The following NOL11 variants were observed in gnomAD, a reference collection of about 807,000 sequenced individuals.
NOL11 encodes the protein nucleolar protein 11.
Under a neutral mutation model 93.0 loss-of-function variants are expected in NOL11, and 42 were observed. The observed-to-expected ratio is 0.45, with a 90% CI of 0.35 to 0.58. The LOEUF is 0.58. Ranked by LOEUF, NOL11 falls within the 20% of genes least tolerant of loss-of-function variation. The probability of loss-of-function intolerance (pLI) is 0.00; values close to 1 mark genes in which losing one functional copy is unlikely to be tolerated. For missense variants in NOL11, 775 were observed against 841.8 expected, an observed-to-expected ratio of 0.92 and a Z score of 0.98; for synonymous variants, 296 against 293.7, an observed-to-expected ratio of 1.01 and a Z score of -0.08.
intron 4 of NOL11, among the ~76,000 whole-genome samples, chr17:67,722,012 C>T (rs1221872007): frequency 2.6e-5 from 4 of 152,332 alleles, no homozygotes; most frequent in South Asian, 2.1e-4. Context: ...TACTTGTTTT[C>T]TCCAGGTCCA....
Position 67,736,698 on chromosome 17 carries a change from G to T in NOL11, c.1087G>T (p.Glu363Ter). 6.2e-7 allele frequency: 1 copy of T among 1,612,870 alleles called. No individual in the cohort carries two copies. Among genetic ancestry groups the T allele is most frequent in the Non-Finnish European group, 8.5e-7 (1 of 1,179,372 alleles). ...TGTCGTGTCCCATTTTGTAAACTGG[G>T]AGACACCTCAAGGATGTGGACTTGG... ...THVVSHFVNW[E>*]TPQGCGLGFQ... Residue 363 changes from glutamate to a stop codon, truncating the protein, a stop_gained, in exon 10 of 18, where the codon GAG (glutamate) becomes TAG (stop). Transcript: ENST00000253247. LOFTEE classifies it high-confidence loss of function.
chr17:67,739,561 A>G lies in NOL11; in HGVS notation c.1888A>G (p.Asn630Asp). ...LYFLYLKCSE[N>D]ATMTLPGIHP... Reference sequence around the variant, plus strand: ...TTTCCTGTACCTGAAGTGTAGCGAAAATGCTACTATGACTCTTCCTGGAAT... The same window carrying G: ...TTTCCTGTACCTGAAGTGTAGCGAAGATGCTACTATGACTCTTCCTGGAAT... The change falls in exon 16 of 18, where the codon AAT becomes GAT. Residue 630 changes from asparagine (N) to aspartate (D), a missense_variant. Physicochemically the swap from Asn to Asp is conservative, Grantham distance 23. Transcript: ENST00000253247. 2 of 1,601,602 alleles carry G rather than the reference A, an allele frequency of 1.2e-6. No homozygotes were observed. The highest frequency in any genetic ancestry group is 1.1e-5 in the South Asian group (1 of 88,162).
At chr17:67,725,511 T>A (rs2055083416) in intron 6 of NOL11, among the ~76,000 whole-genome samples, 1 of 152,198 alleles carries the variant, frequency 6.6e-6, no homozygotes, top group South Asian at 2.1e-4. Flanking sequence ...AGGAAACATT[T>A]CCATATTATC....
rs1287279671 is a variant in NOL11 at position 67,722,636 on chromosome 17, A to G, written c.518A>G (p.Lys173Arg). ...CCTGTTTTAATTTTTATTACTGAAA[A>G]AGTAAGTGATATCTTCAATTCCTGG... is the stretch of plus-strand genomic sequence containing the variant. ...RHPVLIFITE[K>R]HGNYFAYVQM... The change falls in exon 5 of 18, where the codon AAA becomes AGA. Residue 173 changes from lysine (K) to arginine (R), a missense_variant and splice_region_variant. Lys to Arg is a conservative substitution (Grantham distance 26). Transcript: ENST00000253247. 7.0e-6 allele frequency: 11 copies of G among 1,569,534 alleles called. No homozygotes were observed. The highest frequency in any genetic ancestry group is 9.4e-6 in the Non-Finnish European group (11 of 1,167,090).
At chr17:67,742,245 T>C (rs2055263256) in intron 16 of NOL11, among the ~76,000 whole-genome samples, 1 of 152,232 alleles carries the variant, frequency 6.6e-6, no homozygotes, top group African/African-American at 2.4e-5. Context: ...TTTTTGCCAA[T>C]CAGATGGGTA....
At chr17:67,743,696 C>T in intron 17 of NOL11, 47 bp from the exon 18 acceptor site, 1 of 1,235,000 alleles carries the variant, frequency 8.1e-7, no homozygotes, top group South Asian at 1.5e-5. Context: ...AGATTTGTTT[C>T]TATGTAGACA....
At chr17:67,739,664 T>G (rs2055237110) in intron 16 of NOL11, 56 bp downstream of exon 16, 3 of 1,136,696 alleles carry the variant, frequency 2.6e-6, no homozygotes, top group Non-Finnish European at 3.9e-6. Flanking sequence ...GAAAAAAAGT[T>G]GTATTCAAGG....
At chr17:67,730,847 C>G (rs558951645) in intron 7 of NOL11, among the ~76,000 whole-genome samples, 1 of 152,288 alleles carries the variant, frequency 6.6e-6, no homozygotes, top group Admixed American at 6.5e-5. Flanking sequence ...GAAGAACTGC[C>G]GAACTCCACA....
At chr17:67,734,313 C>G (rs769205962) in intron 7 of NOL11, 50 bp from the exon 8 acceptor site, 2 of 1,026,990 alleles carry the variant, frequency 1.9e-6, no homozygotes, top group Non-Finnish European at 3.0e-6. Context: ...CCCAAAATAT[C>G]ATATATTTAT....
intron 7 of NOL11, 22 bp from the exon 8 acceptor site, chr17:67,734,341 G>T (rs2055181792): frequency 7.0e-7 from 1 of 1,435,980 alleles, no homozygotes; most frequent in Non-Finnish European, 9.8e-7. Context: ...ACTTTTTTCT[G>T]AATTTATGTC....
In NOL11 at chr17:67,724,141, A is replaced by G. The variant is rs773638848; in HGVS notation, c.612A>G (p.Ile204Met). The change falls in exon 6 of 18, where the codon ATA (isoleucine) becomes ATG (methionine). Residue 204 changes from isoleucine to methionine, a missense_variant. Physicochemically the swap from Ile to Met is conservative, Grantham distance 10. This residue lies in a region of NOL11 where 359 missense variants were observed against 316.5 expected (regional missense o/e 1.13). Coordinates refer to ENST00000253247, the MANE Select transcript of NOL11 (RefSeq NM_015462.5). ...LLLGQDENSV[I>M]KSFTASVDRK... ...TTGGACAAGACGAAAACTCTGTTAT[A>G]AAGAGTTTTACTGCATCTGTAGATC... is the stretch of plus-strand genomic sequence containing the variant. 6.3e-7 allele frequency: 1 copy of G among 1,594,446 alleles called. No homozygotes were observed. The highest frequency in any genetic ancestry group is 1.1e-5 in the South Asian group (1 of 89,600).
intron 12 of NOL11, 50 bp downstream of exon 12, chr17:67,737,742 G>C: frequency 6.3e-7 from 1 of 1,583,170 alleles, no homozygotes; most frequent in South Asian, 1.2e-5. Flanking sequence ...TTCTGACCTT[G>C]TTTTTTATAG....
intron 5 of NOL11, among the ~76,000 whole-genome samples, chr17:67,723,005 C>CTTTTTTTTTTTTTTTTTTTTTTTTTTT: frequency 8.0e-6 from 1 of 124,596 alleles, no homozygotes; most frequent in Non-Finnish European, 1.7e-5. Flanking sequence ...AATTTCAAAA[C>CTTTTTTTTTTTTTTTTTTTTTTTTTTT]TTTTTTTTTT....
chr17:67,738,371 G>A lies in NOL11; in HGVS notation c.1763+16G>A. ...CAGCTCTACTGTATCCTTTGACATA[G>A]AGCATCCCTCTGTTTCTCTTTATAG... On this transcript the variant is annotated intron_variant, in intron 14 of 17. Transcript: ENST00000253247. The A allele has an allele frequency of 6.5e-7, 1 of 1,530,550 alleles. No individual in the cohort carries two copies. The allele number at this position is 1,530,550 out of a possible 1,614,324, so 94.8% of individuals were successfully genotyped here.
At position 67,730,316 on chromosome 17, in the gene NOL11, A is replaced by G. The variant is rs190472938; in HGVS notation, c.853+3668A>G. 1.3e-3 allele frequency among the ~76,000 whole-genome samples: 193 copies of G among 152,218 alleles called. 1 individual carries two copies. The highest frequency in any genetic ancestry group is 0.012 in the Admixed American group (183 of 15,262). Reference sequence around the variant, plus strand: ...CTCTGTCGCCCAGAGGCTAGAGTGCAGTGGTGCAATCTGGGCTCACTGCAA... The same window carrying G: ...CTCTGTCGCCCAGAGGCTAGAGTGCGGTGGTGCAATCTGGGCTCACTGCAA... On this transcript the variant is annotated intron_variant, in intron 7 of 17. Coordinates refer to ENST00000253247, the MANE Select transcript of NOL11 (RefSeq NM_015462.5).
chr17:67,727,994 C>T (rs894227390), intron 7 of NOL11, among the ~76,000 whole-genome samples: 21 of 151,326 alleles, frequency 1.4e-4, no homozygotes, highest in Admixed American at 4.6e-4. Flanking sequence ...GGCACAGTAG[C>T]TCATGCCTGT....
intron 15 of NOL11, 117 bp downstream of exon 15, chr17:67,739,127 G>A: frequency 2.6e-6 from 2 of 778,070 alleles, no homozygotes; most frequent in Non-Finnish European, 4.2e-6. Context: ...TGAATAAGAG[G>A]TTGCCCAGCT....
chr17:67,732,462 G>T (rs2055162507), intron 7 of NOL11, among the ~76,000 whole-genome samples: 1 of 143,090 alleles, frequency 7.0e-6, no homozygotes, highest in Non-Finnish European at 1.5e-5. Flanking sequence ...CTGCACTCCA[G>T]CCTGGGCAAT....
intron 5 of NOL11, among the ~76,000 whole-genome samples, chr17:67,723,649 A>G (rs1465067403): frequency 6.6e-6 from 1 of 151,784 alleles, no homozygotes; most frequent in African/African-American, 2.4e-5. Context: ...GGCCTCCCAA[A>G]GTGCTGGTAT....
Sources: gnomAD v4.1 joint callset for allele counts (sites outside exome capture counted in the v4.1 genomes callset) on GRCh38, gnomAD v4.1.1 for gene constraint, gnomAD v4.1.1 regional missense constraint, MANE v1.5 for transcripts, NCBI Gene and HGNC (gene_info 2026-07-23, HGNC 2026-07-21) for gene names.